FRS2: variants seen among roughly 807,000 people sequenced by gnomAD.
FRS2 encodes fibroblast growth factor receptor substrate 2.
A neutral mutation model predicts 43.9 loss-of-function variants in FRS2; 8 were observed. That is an observed-to-expected ratio of 0.18 (90% CI 0.11 to 0.33). FRS2 has a LOEUF of 0.33. FRS2 is among the 10% of genes least tolerant of loss of function. The probability of loss-of-function intolerance (pLI) is 1.00; values close to 1 mark genes in which losing one functional copy is unlikely to be tolerated. For missense variants in FRS2, 534 were observed against 627.6 expected (o/e 0.85, Z 1.59); for synonymous variants, 219 against 220.3 (o/e 0.99, Z 0.05).
intron 1 of FRS2, among the ~76,000 whole-genome samples, chr12:69,509,795 T>C (rs573229955): frequency 6.6e-6 from 1 of 152,322 alleles, no homozygotes; most frequent in African/African-American, 2.4e-5. Flanking sequence ...CTCATCCTTA[T>C]GGGCTTTATA....
chr12:69,492,457 A>G (rs2120953099), intron 1 of FRS2, among the ~76,000 whole-genome samples: 2 of 152,322 alleles, frequency 1.3e-5, no homozygotes, highest in Middle Eastern at 3.4e-3. Context: ...AAATGGCTGT[A>G]ATTGTCAGGA....
chr12:69,519,189 G>T (rs939155598), intron 1 of FRS2, among the ~76,000 whole-genome samples: 13 of 152,156 alleles, frequency 8.5e-5, no homozygotes, highest in African/African-American at 3.1e-4. Context: ...AGAAGAGGTT[G>T]TCAAATACTG....
Position 69,579,479 on chromosome 12 carries a change from A to G in FRS2, c.*4524A>G, listed in dbSNP as rs1326963203. The G allele has an allele frequency of 6.6e-6, 1 of 152,666 alleles. No individual in the cohort carries two copies. Among genetic ancestry groups the G allele is most frequent in the African/African-American group, 2.4e-5 (1 of 41,458 alleles). The allele number at this position is 152,666 out of a possible 1,614,324, so 9.5% of individuals were successfully genotyped here. On this transcript the variant is annotated 3_prime_UTR_variant, in exon 9 of 9. Coordinates refer to ENST00000549921, the MANE Select transcript of FRS2 (RefSeq NM_001278356.2). ...GAATTTAGTTCAAGGGCTAAGCAAC[A>G]CATTTTTAAATCCTTATTTATTGTA... is the stretch of plus-strand genomic sequence containing the variant.
Position 69,575,224 on chromosome 12 carries a change from C to G in FRS2, c.*269C>G, listed in dbSNP as rs896308579. On this transcript the variant is annotated 3_prime_UTR_variant, in exon 9 of 9. Transcript: ENST00000549921. ...AATGAGAGTTGAAGTAAATGACATG[C>G]TGGTTGATTTTTATCAATATTCTGG... is the stretch of plus-strand genomic sequence containing the variant. 4.9e-6 allele frequency: 2 copies of G among 407,366 alleles called. No individual in the cohort carries two copies. The highest frequency in any genetic ancestry group is 4.0e-5 in the African/African-American group (2 of 49,406). The allele number at this position is 407,366 out of a possible 1,614,324, so 25.2% of individuals were successfully genotyped here.
At chr12:69,476,753 C>CGGGGGGGGGGGGGG (rs60543134) in intron 1 of FRS2, among the ~76,000 whole-genome samples, 1 of 80,110 alleles carries the variant, frequency 1.2e-5, no homozygotes, top group Non-Finnish European at 2.5e-5. Context: ...GGGGGAGGGA[C>CGGGGGGGGGGGGGG]GGGGGGGGGT....
At chr12:69,538,455 C>A (rs1593013453) in intron 3 of FRS2, among the ~76,000 whole-genome samples, 1 of 151,702 alleles carries the variant, frequency 6.6e-6, no homozygotes, top group Non-Finnish European at 1.5e-5. Context: ...TAAATTCATG[C>A]CTTTTTATAT....
chr12:69,496,947 A>G (rs922085952), intron 1 of FRS2, among the ~76,000 whole-genome samples: 1 of 152,254 alleles, frequency 6.6e-6, no homozygotes, highest in African/African-American at 2.4e-5. Flanking sequence ...TGCAAGGTTT[A>G]GATATTATTC....
chr12:69,512,639 A>G (rs550225623), intron 1 of FRS2, among the ~76,000 whole-genome samples: 1 of 152,300 alleles, frequency 6.6e-6, no homozygotes, highest in African/African-American at 2.4e-5. Context: ...GCAGTAAATA[A>G]CAACTTGTAT....
At chr12:69,505,386 A>T (rs956482399) in intron 1 of FRS2, among the ~76,000 whole-genome samples, 1 of 152,234 alleles carries the variant, frequency 6.6e-6, no homozygotes, top group African/African-American at 2.4e-5. Context: ...CCATAAAATA[A>T]AGGATATACA....
chr12:69,487,923 C>T (rs1436362961), intron 1 of FRS2, among the ~76,000 whole-genome samples: 2 of 152,136 alleles, frequency 1.3e-5, no homozygotes, highest in East Asian at 1.9e-4. Context: ...ATATGGTGAA[C>T]ATTGCAAGAG....
chr12:69,518,327 C>G (rs800658), intron 1 of FRS2, among the ~76,000 whole-genome samples: 94,609 of 152,006 alleles, frequency 0.62, 29,897 homozygotes, highest in East Asian at 0.73. Context: ...CCTGTACACT[C>G]CTGAAAAATA....
chr12:69,557,619 T>TGTGTGCGCGCGC (rs1555192498), intron 3 of FRS2, among the ~76,000 whole-genome samples: 70 of 119,016 alleles, frequency 5.9e-4, no homozygotes, highest in Non-Finnish European at 9.8e-4. Flanking sequence ...TGTGTGTGTG[T>TGTGTGCGCGCGC]GCGCGCGCGC....
At chr12:69,550,681 C>T (rs1223757803) in intron 3 of FRS2, among the ~76,000 whole-genome samples, 1 of 152,160 alleles carries the variant, frequency 6.6e-6, no homozygotes, top group Admixed American at 6.5e-5. Flanking sequence ...TATTGTATGC[C>T]ATTTGTCAAT....
At chr12:69,561,434 C>A (rs1209820522) in intron 3 of FRS2, among the ~76,000 whole-genome samples, 1 of 152,126 alleles carries the variant, frequency 6.6e-6, no homozygotes. Flanking sequence ...AGACTATTCC[C>A]ATAACCCCTA....
At chr12:69,535,057 T>C (rs1269337646) in intron 3 of FRS2, among the ~76,000 whole-genome samples, 1 of 152,214 alleles carries the variant, frequency 6.6e-6, no homozygotes, top group East Asian at 1.9e-4. Context: ...TTCAGAATGA[T>C]TTGGAAATTC....
intron 1 of FRS2, among the ~76,000 whole-genome samples, chr12:69,519,915 G>A (rs1875460416): frequency 6.6e-6 from 1 of 152,106 alleles, no homozygotes; most frequent in Admixed American, 6.6e-5. Context: ...ATTCCTTTGG[G>A]TGTATACCCG....
chr12:69,473,302 G>C (rs930105174), intron 1 of FRS2, among the ~76,000 whole-genome samples: 1 of 152,226 alleles, frequency 6.6e-6, no homozygotes, highest in South Asian at 2.1e-4. Context: ...GCCAAAGCCT[G>C]TGTGTTTCTA....
chr12:69,545,586 T>C (rs934943784), intron 3 of FRS2, among the ~76,000 whole-genome samples: 2 of 151,774 alleles, frequency 1.3e-5, no homozygotes, highest in African/African-American at 2.4e-5. Context: ...TGAAACCCTG[T>C]CTCTACTAAA....
chr12:69,515,787 G>A (rs1258601264), intron 1 of FRS2, among the ~76,000 whole-genome samples: 1 of 144,724 alleles, frequency 6.9e-6, no homozygotes. Flanking sequence ...TTTTTTTTAA[G>A]TTTGAATCTG....
Sources: allele counts gnomAD v4.1 joint callset (sites outside exome capture counted in the v4.1 genomes callset), GRCh38; gene constraint gnomAD v4.1.1; transcripts MANE v1.5; gene names NCBI Gene and HGNC (gene_info 2026-07-23, HGNC 2026-07-21).